SYK: variants seen among roughly 807,000 people sequenced by gnomAD.
SYK encodes spleen associated tyrosine kinase, also known as tyrosine-protein kinase SYK.
Under a neutral mutation model 77.8 loss-of-function variants are expected in SYK, and 16 were observed. The ratio of observed to expected loss-of-function variants is 0.21; its 90% CI spans 0.14 to 0.31. SYK has a LOEUF of 0.31. Ranked by LOEUF, SYK falls within the 10% of genes least tolerant of loss-of-function variation. SYK has a pLI of 1.00. For missense variants in SYK, 529 were observed against 814.4 expected (o/e 0.65, Z 4.26); for synonymous variants, 312 against 308.7 (o/e 1.01, Z -0.11).
intron 1 of SYK, among the ~76,000 whole-genome samples, chr9:90,821,784 T>C (rs1825527412): frequency 6.6e-6 from 1 of 152,322 alleles, no homozygotes; most frequent in Admixed American, 6.5e-5. Context: ...TTTTTTCAAA[T>C]TGTGGTGACT....
chr9:90,836,049 G>A (rs555393457), intron 1 of SYK, among the ~76,000 whole-genome samples: 1 of 152,282 alleles, frequency 6.6e-6, no homozygotes, highest in African/African-American at 2.4e-5. Context: ...AGCACTTTGG[G>A]AGGCTGAGGA....
chr9:90,886,380 G>A (rs1324141271), intron 11 of SYK, among the ~76,000 whole-genome samples: 1 of 152,226 alleles, frequency 6.6e-6, no homozygotes, highest in African/African-American at 2.4e-5. Flanking sequence ...AATTAGTATA[G>A]TCACTACGGA....
At chr9:90,808,058 C>T (rs1205618568) in intron 1 of SYK, among the ~76,000 whole-genome samples, 1 of 152,034 alleles carries the variant, frequency 6.6e-6, no homozygotes, top group South Asian at 2.1e-4. Context: ...ATAGGCATGT[C>T]GATTTTTTTT....
chr9:90,843,821 G>C (rs7855964), intron 1 of SYK, 37 bp from the exon 2 acceptor site: 2 of 1,384,472 alleles, frequency 1.4e-6, no homozygotes, highest in Non-Finnish European at 1.9e-6. Flanking sequence ...TGCCACGTGG[G>C]GTCCTCACCA....
At chr9:90,873,693 G>A (rs10512202) in intron 7 of SYK, among the ~76,000 whole-genome samples, 10,477 of 152,240 alleles carry the variant, frequency 0.069, 402 homozygotes, top group East Asian at 0.12. Flanking sequence ...CATCTCCACC[G>A]AAGATAAAGA....
intron 7 of SYK, among the ~76,000 whole-genome samples, chr9:90,872,961 C>T (rs532812958): frequency 6.6e-6 from 1 of 152,312 alleles, no homozygotes; most frequent in South Asian, 2.1e-4. Context: ...CAAAACAGAT[C>T]CCATCGACAT....
At chr9:90,814,834 G>GCACACACACACACA (rs567535954) in intron 1 of SYK, among the ~76,000 whole-genome samples, 1 of 69,788 alleles carries the variant, frequency 1.4e-5, no homozygotes, top group Non-Finnish European at 3.2e-5. Context: ...CAACACACGT[G>GCACACACACACACA]CACACACACA....
intron 7 of SYK, 96 bp from the exon 8 acceptor site, chr9:90,874,107 TA>T (rs1827837389): frequency 1.0e-6 from 1 of 998,258 alleles, no homozygotes; most frequent in Admixed American, 2.2e-5. Flanking sequence ...CTGCAAAAGT[TA>T]AACTGTGATT....
Position 90,884,483 on chromosome 9 carries a change from A to G in SYK, c.1582-3266A>G, listed in dbSNP as rs1195105800. Among the ~76,000 whole-genome samples the G allele has an allele frequency of 5.5e-4, 12 of 21,852 alleles. 6 individuals carry two copies. The Admixed American group carries it at 7.0e-3, about 13-fold the overall frequency. The allele number at this position is 21,852 out of a possible 152,430, so 14.3% of individuals were successfully genotyped here. On this transcript the variant is annotated intron_variant, in intron 11 of 13. Coordinates refer to ENST00000375754, the MANE Select transcript of SYK (RefSeq NM_003177.7). ...CATATGTGTGTACATATACATACAC[A>G]CACATACACATATGTGTACATGTAC...
chr9:90,848,371 G>A (rs937096276), intron 3 of SYK, among the ~76,000 whole-genome samples: 5 of 152,366 alleles, frequency 3.3e-5, no homozygotes, highest in Admixed American at 2.0e-4. Flanking sequence ...TTCACTGTGG[G>A]AGTCTGTCCT....
chr9:90,803,535 T>C (rs1824691375), intron 1 of SYK, among the ~76,000 whole-genome samples: 1 of 152,144 alleles, frequency 6.6e-6, no homozygotes. Flanking sequence ...GGTAGAAACG[T>C]TATTTTATTG....
At position 90,877,626 on chromosome 9, in the gene SYK, C is replaced by T; in HGVS notation, c.1237C>T (p.Leu413Phe). The change falls in exon 10 of 14, where the codon CTT becomes TTT. Residue 413 changes from leucine to phenylalanine, a missense_variant. This residue lies in a region of SYK where 208 missense variants were observed against 381.3 expected (regional missense o/e 0.55). Coordinates refer to ENST00000375754, the MANE Select transcript of SYK (RefSeq NM_003177.7). ...GAAAAACGAGGCCAATGACCCCGCTCTTAAAGATGAGTTATTAGCAGAAGC... is the reference window on the plus strand; with the variant it reads ...GAAAAACGAGGCCAATGACCCCGCTTTTAAAGATGAGTTATTAGCAGAAGC... ...ILKNEANDPA[L>F]KDELLAEANV... The T allele has an allele frequency of 6.2e-7, 1 of 1,614,236 alleles. No individual in the cohort carries two copies. Among genetic ancestry groups the T allele is most frequent in the Non-Finnish European group, 8.5e-7 (1 of 1,180,046 alleles).
At chr9:90,856,962 A>C (rs1827060102) in intron 3 of SYK, among the ~76,000 whole-genome samples, 2 of 152,238 alleles carry the variant, frequency 1.3e-5, no homozygotes, top group Non-Finnish European at 1.5e-5. Context: ...CCAGGTGCTC[A>C]CTGGGCTGCT....
intron 13 of SYK, among the ~76,000 whole-genome samples, chr9:90,894,445 C>T (rs1162057322): frequency 6.6e-6 from 1 of 152,114 alleles, no homozygotes; most frequent in Admixed American, 6.5e-5. Flanking sequence ...TAAGAGAAAC[C>T]ATGTATTTTG....
rs553341950 is a variant in SYK, at chr9:90,859,201, C to T, written c.579-3005C>T. Among the ~76,000 whole-genome samples, 14 of 152,328 alleles carry T rather than the reference C, an allele frequency of 9.2e-5. No homozygotes were observed. The East Asian group carries it at 2.1e-3, about 23-fold the overall frequency. ...CACCCAGCATTGCAGGAGACCACTCCGCCCTCACACACTCATACCCATCTG... is the reference window on the plus strand; with the variant it reads ...CACCCAGCATTGCAGGAGACCACTCTGCCCTCACACACTCATACCCATCTG... On this transcript the variant is annotated intron_variant, in intron 3 of 13. Coordinates refer to ENST00000375754, the MANE Select transcript of SYK (RefSeq NM_003177.7).
intron 6 of SYK, among the ~76,000 whole-genome samples, chr9:90,865,667 A>G (rs1163980285): frequency 1.3e-5 from 2 of 152,142 alleles, no homozygotes; most frequent in African/African-American, 4.8e-5. Context: ...TGGAGAATAT[A>G]CACAATGCGA....
intron 10 of SYK, 63 bp downstream of exon 10, chr9:90,877,843 A>G: frequency 1.3e-6 from 2 of 1,567,044 alleles, no homozygotes; most frequent in Non-Finnish European, 1.7e-6. Context: ...CCACCCCTGG[A>G]TGGGCCGAGC....
chr9:90,808,957 G>GACTTCATTT lies in SYK; in HGVS notation c.-42+7065_-42+7073dup, dbSNP rs887109588. On this transcript the variant is annotated intron_variant, in intron 1 of 13. Coordinates refer to ENST00000375754, the MANE Select transcript of SYK (RefSeq NM_003177.7). ...TCTCCTCAGATCCTCAGCGTGCTATGACTTCATTTTCTGTAATACTGTTTT... is the reference window on the plus strand; with the variant it reads ...TCTCCTCAGATCCTCAGCGTGCTATGACTTCATTTACTTCATTTTCTGTAATACTGTTTT... Among the ~76,000 whole-genome samples, 21 of 152,314 alleles carry GACTTCATTT rather than the reference G, an allele frequency of 1.4e-4. No homozygotes were observed. The East Asian group carries it at 3.9e-3, about 28-fold the overall frequency.
At position 90,835,009 on chromosome 9, in the gene SYK, GC is replaced by G. The variant is rs111535968; in HGVS notation, c.-41-8848del. 1.9e-3 allele frequency among the ~76,000 whole-genome samples: 291 copies of G among 152,344 alleles called. 1 individual carries two copies. Among genetic ancestry groups the G allele is most frequent in the African/African-American group, 6.6e-3 (273 of 41,582 alleles). ...GGCTGTCATGATTGGGGAATGGGGT[GC>G]TACTGGCATCTAGTGGGGAGAGGCC... On this transcript the variant is annotated intron_variant, in intron 1 of 13. Coordinates refer to ENST00000375754, the MANE Select transcript of SYK (RefSeq NM_003177.7).
Sources: gnomAD v4.1 joint callset for allele counts (sites outside exome capture counted in the v4.1 genomes callset) on GRCh38, gnomAD v4.1.1 for gene constraint, gnomAD v4.1.1 regional missense constraint, MANE v1.5 for transcripts, NCBI Gene and HGNC (gene_info 2026-07-23, HGNC 2026-07-21) for gene names.